DPH5: variants seen among roughly 807,000 people sequenced by gnomAD.
DPH5 encodes the protein diphthine methyl ester synthase.
A neutral mutation model predicts 31.6 loss-of-function variants in DPH5; 31 were observed. The observed-to-expected ratio is 0.98, with a 90% CI of 0.74 to 1.32. The LOEUF is 1.32. Ranked by LOEUF, DPH5 falls within the 40% of genes most tolerant of loss-of-function variation. The pLI, the probability that DPH5 is intolerant of heterozygous loss-of-function variation, is 0.00. For missense variants in DPH5, 309 were observed against 335.7 expected, an observed-to-expected ratio of 0.92 and a Z score of 0.62; for synonymous variants, 120 against 115.0, an observed-to-expected ratio of 1.04 and a Z score of -0.28.
intron 6 of DPH5, among the ~76,000 whole-genome samples, chr1:100,993,559 A>AATATAAATATATAT (rs1553247258): frequency 2.1e-4 from 12 of 56,526 alleles, no homozygotes; most frequent in Non-Finnish European, 3.4e-4. Flanking sequence ...CGAAAATATA[A>AATATAAATATATAT]ATATATATAT....
Position 100,990,487 on chromosome 1 carries a change from T to C in DPH5, c.779A>G (p.His260Arg), listed in dbSNP as rs746680777. The change falls in exon 8 of 8, where the codon CAT becomes CGT. Residue 260 changes from histidine (H) to arginine (R), a missense_variant. His to Arg is a conservative substitution (Grantham distance 29, BLOSUM62 0). Coordinates refer to ENST00000370109, the MANE Select transcript of DPH5 (RefSeq NM_015958.3). ...HSLIITGGSI[H>R]PMEMEMLSLF... ...ACTTAGCATCTCCATCTCCATTGGA[T>C]GTATGCTGCCTCCTGTGATGATCAA... The C allele has an allele frequency of 1.1e-5, 18 of 1,614,070 alleles. No individual in the cohort carries two copies. The highest frequency in any genetic ancestry group is 1.7e-5 in the Admixed American group (1 of 59,990).
chr1:100,991,315 A>G (rs527497833), intron 7 of DPH5, among the ~76,000 whole-genome samples: 2 of 152,330 alleles, frequency 1.3e-5, no homozygotes, highest in East Asian at 3.9e-4. Flanking sequence ...TGTATTGTTT[A>G]GTTGGGAAAG....
chr1:101,022,103 G>A (rs576922369), intron 2 of DPH5, among the ~76,000 whole-genome samples: 1 of 151,770 alleles, frequency 6.6e-6, no homozygotes, highest in African/African-American at 2.4e-5. Flanking sequence ...ATGTACACAT[G>A]AGCCCTACTT....
At chr1:101,000,396 T>A (rs1012918075) in intron 5 of DPH5, among the ~76,000 whole-genome samples, 3 of 152,198 alleles carry the variant, frequency 2.0e-5, no homozygotes, top group Admixed American at 6.5e-5. Context: ...TAAGAATATG[T>A]ACAAAATTTA....
At chr1:101,004,910 T>C (rs1057376477) in intron 4 of DPH5, among the ~76,000 whole-genome samples, 2 of 152,344 alleles carry the variant, frequency 1.3e-5, no homozygotes, top group African/African-American at 4.8e-5. Flanking sequence ...TACCCAGAAA[T>C]AGCTAACTGT....
Position 100,995,143 on chromosome 1 carries a change from T to A in DPH5, c.497A>T (p.Lys166Ile). The change falls in exon 6 of 8, where the codon AAA (lysine) becomes ATA (isoleucine). Residue 166 changes from lysine to isoleucine, a missense_variant. Lys to Ile is a moderately radical substitution (Grantham distance 102). Coordinates refer to ENST00000370109, the MANE Select transcript of DPH5 (RefSeq NM_015958.3). ...GMHTLCLLDIKVKEQSLENLI... is the reference protein window; with the variant it reads ...GMHTLCLLDIIVKEQSLENLI... ...ATTTTCCAAAGACTGCTCCTTTACT[T>A]TGATGTCTGTAGGAAGTAAAAATAG... 1 of 1,574,534 alleles carries A rather than the reference T, an allele frequency of 6.4e-7. No homozygotes were observed. The highest frequency in any genetic ancestry group is 8.7e-7 in the Non-Finnish European group (1 of 1,145,374).
At chr1:101,024,149 A>G (rs985105232) in intron 2 of DPH5, among the ~76,000 whole-genome samples, 1 of 152,174 alleles carries the variant, frequency 6.6e-6, no homozygotes, top group Non-Finnish European at 1.5e-5. Flanking sequence ...GCTTGTGCCT[A>G]TACAATCCCA....
chr1:101,025,299 C>A lies in DPH5; in HGVS notation c.135+10G>T. On this transcript the variant is annotated intron_variant, in intron 2 of 7. Transcript: ENST00000370109. ...TCTTCCCAGGAGGCTGGGGAACGCT[C>A]AGCACCTACCAAGGCTTCCTTCCCT... 1 of 1,613,740 alleles carries A rather than the reference C, an allele frequency of 6.2e-7. No individual in the cohort carries two copies. The highest frequency in any genetic ancestry group is 1.1e-5 in the South Asian group (1 of 91,048).
At chr1:101,016,801 CAT>C (rs1356740136) in intron 3 of DPH5, among the ~76,000 whole-genome samples, 4 of 152,114 alleles carry the variant, frequency 2.6e-5, no homozygotes, top group Non-Finnish European at 4.4e-5. Context: ...AAGTGAGAGA[CAT>C]GTGACTCTTT....
chr1:101,022,001 A>G (rs1660496321), intron 2 of DPH5, among the ~76,000 whole-genome samples: 1 of 152,216 alleles, frequency 6.6e-6, no homozygotes, highest in Non-Finnish European at 1.5e-5. Flanking sequence ...AAGGAGGCGG[A>G]ACTCTTAACA....
intron 7 of DPH5, among the ~76,000 whole-genome samples, chr1:100,990,854 T>C (rs1171437446): frequency 6.6e-6 from 1 of 152,230 alleles, no homozygotes; most frequent in Non-Finnish European, 1.5e-5. Context: ...CCTTTCAGAA[T>C]TACAAAGGCT....
rs753199774 is a variant in DPH5 at position 101,025,289 on chromosome 1, G to A, written c.135+20C>T. ...TAGATAGCTTTCTTCCCAGGAGGCTGGGGAACGCTCAGCACCTACCAAGGC... is the reference window on the plus strand; with the variant it reads ...TAGATAGCTTTCTTCCCAGGAGGCTAGGGAACGCTCAGCACCTACCAAGGC... On this transcript the variant is annotated intron_variant, in intron 2 of 7. Coordinates refer to ENST00000370109, the MANE Select transcript of DPH5 (RefSeq NM_015958.3). The A allele has an allele frequency of 1.2e-6, 2 of 1,612,038 alleles. No homozygotes were observed. The highest frequency in any genetic ancestry group is 1.1e-5 in the South Asian group (1 of 90,772).
At chr1:101,014,120 T>C (rs1347403154) in intron 3 of DPH5, among the ~76,000 whole-genome samples, 3 of 152,210 alleles carry the variant, frequency 2.0e-5, no homozygotes, top group East Asian at 1.9e-4. Context: ...CTATGAAATA[T>C]AAGCTCAGCA....
chr1:101,007,943 T>A (rs923876929), intron 4 of DPH5, among the ~76,000 whole-genome samples: 2 of 152,088 alleles, frequency 1.3e-5, no homozygotes, highest in Non-Finnish European at 2.9e-5. Flanking sequence ...ATCTGCAAAA[T>A]GTTAAACAAA....
At chr1:101,024,735 C>T (rs1660703966) in intron 2 of DPH5, among the ~76,000 whole-genome samples, 1 of 152,158 alleles carries the variant, frequency 6.6e-6, no homozygotes, top group Non-Finnish European at 1.5e-5. Context: ...ACTTTGGTTA[C>T]TTAGTGTATA....
chr1:100,990,845 C>T (rs1033731232), intron 7 of DPH5, among the ~76,000 whole-genome samples: 1 of 152,192 alleles, frequency 6.6e-6, no homozygotes, highest in Non-Finnish European at 1.5e-5. Context: ...AAACTTTACC[C>T]TTTCAGAATT....
Position 101,013,797 on chromosome 1 carries a change from A to C in DPH5, c.282T>G (p.Leu94=). 3 of 1,612,952 alleles carry C rather than the reference A, an allele frequency of 1.9e-6. No homozygotes were observed. The highest frequency in any genetic ancestry group is 1.3e-5 in the African/African-American group (1 of 75,040). ...DPFGATTHSD[L]VLRATKLGIP... ...TTCCCAGCTTTGTTGCTCTTAGAACAAGATCACTGTGTGTTGTGGCCCTGT... is the reference window on the plus strand; with the variant it reads ...TTCCCAGCTTTGTTGCTCTTAGAACCAGATCACTGTGTGTTGTGGCCCTGT... The change falls in exon 4 of 8, where the codon CTT becomes CTG. Residue 94 remains leucine, a synonymous_variant. Coordinates refer to ENST00000370109, the MANE Select transcript of DPH5 (RefSeq NM_015958.3).
At chr1:101,010,187 G>A (rs753695213) in intron 4 of DPH5, among the ~76,000 whole-genome samples, 6 of 152,170 alleles carry the variant, frequency 3.9e-5, no homozygotes, top group African/African-American at 7.2e-5. Flanking sequence ...AAATAAGTAG[G>A]TTAACAGTAT....
chr1:101,024,294 C>T (rs1015191263), intron 2 of DPH5, among the ~76,000 whole-genome samples: 2 of 152,028 alleles, frequency 1.3e-5, no homozygotes, highest in Non-Finnish European at 2.9e-5. Context: ...CCTGTAGTCT[C>T]AGCTACTCGA....
Sources: gnomAD v4.1 joint callset for allele counts (sites outside exome capture counted in the v4.1 genomes callset) on GRCh38, gnomAD v4.1.1 for gene constraint, MANE v1.5 for transcripts, NCBI Gene and HGNC (gene_info 2026-07-23, HGNC 2026-07-21) for gene names.